Variants in ADAMTS9 observed in about 807,000 individuals in gnomAD.
The protein encoded by ADAMTS9 is A disintegrin and metalloproteinase with thrombospondin motifs 9.
A neutral mutation model predicts 257.1 loss-of-function variants in ADAMTS9; 107 were observed. The ratio of observed to expected loss-of-function variants is 0.42; its 90% confidence interval spans 0.36 to 0.49. The LOEUF is 0.49. Among genes scored for constraint, ADAMTS9 ranks in the 20% least tolerant of loss-of-function variants. ADAMTS9 has a pLI of 0.03. For synonymous variants in ADAMTS9, 982 were observed against 880.9 expected (o/e 1.11, Z -2.03); for missense variants, 2,353 against 2,469.1 (o/e 0.95, Z 1.00).
intron 37 of ADAMTS9, among the ~76,000 whole-genome samples, chr3:64,534,945 C>T (rs1052159166): frequency 3.3e-5 from 5 of 152,136 alleles, no homozygotes; most frequent in Admixed American, 2.0e-4. Flanking sequence ...TTGCTCCCTT[C>T]TTTACTTTCA....
intron 29 of ADAMTS9, chr3:64,562,995 C>T (rs1020885268): frequency 6.6e-6 from 1 of 152,180 alleles, no homozygotes; most frequent in Non-Finnish European, 1.5e-5. Flanking sequence ...CATATGTTCA[C>T]ATCAAAGCTA....
Position 64,687,755 on chromosome 3 carries a change from G to C in ADAMTS9, c.-98C>G. ...GAGGCAGCGGCCGTGGAGAGCGCGCGGAGCCCGGCGCCCGCCGCCAACTTT... is the reference window on the plus strand; with the variant it reads ...GAGGCAGCGGCCGTGGAGAGCGCGCCGAGCCCGGCGCCCGCCGCCAACTTT... On this transcript the variant is annotated 5_prime_UTR_variant, in exon 1 of 40. Transcript: ENST00000498707. The surrounding 1 kb of genome is among the most constrained non-coding windows in gnomAD (Gnocchi z 4.4). 1.1e-6 allele frequency: 1 copy of C among 951,302 alleles called. No individual in the cohort carries two copies. Among genetic ancestry groups the C allele is most frequent in the African/African-American group, 1.8e-5 (1 of 57,104 alleles). The allele number at this position is 951,302 out of a possible 1,614,324, so 58.9% of individuals were successfully genotyped here.
intron 25 of ADAMTS9, among the ~76,000 whole-genome samples, chr3:64,603,451 G>A (rs748665003): frequency 1.2e-4 from 18 of 152,118 alleles, no homozygotes; most frequent in Admixed American, 5.2e-4. Context: ...TTGGTGTACA[G>A]CAGGCAGGTT....
In ADAMTS9 at chr3:64,602,132, C is replaced by G. The variant is rs757702016; in HGVS notation, c.3829G>C (p.Glu1277Gln). 6 of 1,614,026 alleles carry G rather than the reference C, an allele frequency of 3.7e-6. No homozygotes were observed. The East Asian group carries it at 1.3e-4, about 36-fold the overall frequency. The change falls in exon 26 of 40, where the codon GAG becomes CAG. Residue 1277 changes from glutamate (E) to glutamine (Q), a missense_variant. Physicochemically the swap from Glu to Gln is conservative, Grantham distance 29 (BLOSUM62 2). This residue lies in a region of ADAMTS9 where 1,402 missense variants were observed against 1,441.4 expected (regional missense o/e 0.97). Coordinates refer to ENST00000498707, the MANE Select transcript of ADAMTS9 (RefSeq NM_182920.2). ...TCTGGGATATAATCCTGGTCACACT[C>G]ACTCCGATCGATCACGTGGTCACTG... The part of the protein sequence containing the change: ...NYSDHVIDRS[E>Q]CDQDYIPETD...
chr3:64,651,177 G>A lies in ADAMTS9; in HGVS notation c.1317-14C>T. 6.4e-7 allele frequency: 1 copy of A among 1,554,534 alleles called. No homozygotes were observed. The highest frequency in any genetic ancestry group is 1.4e-5 in the African/African-American group (1 of 70,998). On this transcript the variant is annotated splice_polypyrimidine_tract_variant and intron_variant, in intron 8 of 39. Coordinates refer to ENST00000498707, the MANE Select transcript of ADAMTS9 (RefSeq NM_182920.2). ...GGCATGTTAAACCTAAAGCCAATGA[G>A]ACAATGATGAGAATGTCAATAAACA...
At chr3:64,669,650 T>A (rs1701437307) in intron 3 of ADAMTS9, among the ~76,000 whole-genome samples, 1 of 152,106 alleles carries the variant, frequency 6.6e-6, no homozygotes, top group African/African-American at 2.4e-5. Flanking sequence ...CCAACAGAGA[T>A]TCCCCCTGAG....
At chr3:64,606,893 A>C in intron 23 of ADAMTS9, 67 bp downstream of exon 23, 4 of 1,590,092 alleles carry the variant, frequency 2.5e-6, no homozygotes, top group Non-Finnish European at 2.6e-6. Flanking sequence ...AATTTTGTCT[A>C]AACAGCTGGG....
rs1200170214 is a variant in ADAMTS9 at position 64,651,181 on chromosome 3, A to G, written c.1317-18T>C. 3 of 1,550,956 alleles carry G rather than the reference A, an allele frequency of 1.9e-6. No individual in the cohort carries two copies. Among genetic ancestry groups the G allele is most frequent in the South Asian group, 2.5e-5 (2 of 79,928 alleles). On this transcript the variant is annotated intron_variant, in intron 8 of 39. Transcript: ENST00000498707. Reference sequence around the variant, plus strand: ...TGTTAAACCTAAAGCCAATGAGACAATGATGAGAATGTCAATAAACACCAA... The same window carrying G: ...TGTTAAACCTAAAGCCAATGAGACAGTGATGAGAATGTCAATAAACACCAA...
intron 28 of ADAMTS9, among the ~76,000 whole-genome samples, chr3:64,570,440 T>C (rs999342169): frequency 6.6e-6 from 1 of 152,150 alleles, no homozygotes; most frequent in East Asian, 1.9e-4. Context: ...CTGCACAAGA[T>C]GAAAAATCAC....
intron 37 of ADAMTS9, among the ~76,000 whole-genome samples, 164 bp from the exon 38 acceptor site, chr3:64,533,434 C>A (rs1043222012): frequency 6.6e-6 from 1 of 152,184 alleles, no homozygotes; most frequent in Admixed American, 6.5e-5. Flanking sequence ...TGTTCAGGGC[C>A]AGCCATTCTT....
In ADAMTS9 at chr3:64,598,494, AT is replaced by A. The variant is rs764977290; in HGVS notation, c.4018-1504del. On this transcript the variant is annotated intron_variant, in intron 26 of 39. Transcript: ENST00000498707. Reference sequence around the variant, plus strand: ...TACCACACCTGGGTAAATTTTTAAAATTTTTCGTAGAGACAAGGTCTCACTA... The same window carrying A: ...TACCACACCTGGGTAAATTTTTAAAATTTTCGTAGAGACAAGGTCTCACTA... Among the ~76,000 whole-genome samples, 168 of 151,690 alleles carry A rather than the reference AT, an allele frequency of 1.1e-3. 2 individuals carry two copies. In the East Asian group the frequency reaches 0.024, roughly 21 times the overall value.
intron 4 of ADAMTS9, among the ~76,000 whole-genome samples, chr3:64,656,227 G>T (rs761622902): frequency 1.3e-5 from 2 of 152,158 alleles, no homozygotes; most frequent in Non-Finnish European, 2.9e-5. Context: ...CACATTGGGT[G>T]CACGTTAGCC....
At chr3:64,616,673 G>T (rs181955981) in intron 19 of ADAMTS9, among the ~76,000 whole-genome samples, 1 of 152,096 alleles carries the variant, frequency 6.6e-6, no homozygotes, top group Non-Finnish European at 1.5e-5. Context: ...CTGGCCAATC[G>T]TCTGGTTCTT....
At chr3:64,529,625 G>T (rs2082951820) in intron 38 of ADAMTS9, among the ~76,000 whole-genome samples, 1 of 152,218 alleles carries the variant, frequency 6.6e-6, no homozygotes, top group Non-Finnish European at 1.5e-5. Flanking sequence ...CACAATTCTT[G>T]AAGTGTGTTT....
chr3:64,542,397 A>G (rs1317929245), intron 32 of ADAMTS9, among the ~76,000 whole-genome samples: 1 of 148,672 alleles, frequency 6.7e-6, no homozygotes, highest in Non-Finnish European at 1.5e-5. Flanking sequence ...GTCGTTATAC[A>G]CTTTTGCCTG....
At chr3:64,566,642 T>A (rs960249120) in intron 29 of ADAMTS9, among the ~76,000 whole-genome samples, 1 of 152,200 alleles carries the variant, frequency 6.6e-6, no homozygotes, top group Non-Finnish European at 1.5e-5. Context: ...GAGCAAAAGA[T>A]TCTTTTAATT....
intron 28 of ADAMTS9, 124 bp from the exon 29 acceptor site, chr3:64,568,659 C>A (rs538438864): frequency 1.0e-5 from 12 of 1,159,514 alleles, no homozygotes; most frequent in African/African-American, 1.6e-5. Flanking sequence ...TCTTTTACAG[C>A]GCCAGTTTGG....
intron 3 of ADAMTS9, among the ~76,000 whole-genome samples, chr3:64,678,489 C>G (rs988948189): frequency 6.6e-6 from 1 of 152,182 alleles, no homozygotes; most frequent in Non-Finnish European, 1.5e-5. Flanking sequence ...TCACATTTGC[C>G]TGGGAGAGGG....
At chr3:64,557,292 T>C (rs146389115) in intron 30 of ADAMTS9, among the ~76,000 whole-genome samples, 1 of 152,178 alleles carries the variant, frequency 6.6e-6, no homozygotes, top group East Asian at 1.9e-4. Flanking sequence ...ATGCTGCAGA[T>C]GCATGGCCCC....
Sources: allele counts gnomAD v4.1 joint callset (sites outside exome capture counted in the v4.1 genomes callset), GRCh38; gene constraint gnomAD v4.1.1; regional missense constraint gnomAD v4.1.1; non-coding constraint Gnocchi (gnomAD v3.1); transcripts MANE v1.5; gene names NCBI Gene and HGNC (gene_info 2026-07-23, HGNC 2026-07-21).